EPHB6: variants seen among roughly 807,000 people sequenced by gnomAD.
EPHB6 encodes ephrin type-B receptor 6.
A neutral mutation model predicts 107.0 loss-of-function variants in EPHB6; 51 were observed. The ratio of observed to expected loss-of-function variants is 0.48; its 90% CI spans 0.38 to 0.60. The LOEUF (loss-of-function observed/expected upper bound fraction) is 0.60, where lower values mean the gene tolerates loss of function less well. Among genes scored for constraint, EPHB6 ranks in the 20% least tolerant of loss-of-function variants. The probability of loss-of-function intolerance (pLI) is 0.00; values close to 1 mark genes in which losing one functional copy is unlikely to be tolerated. For missense variants in EPHB6, 1,141 were observed against 1,355.5 expected (o/e 0.84, Z 2.48); for synonymous variants, 553 against 549.0 (o/e 1.01, Z -0.10).
rs781660662 is a variant in EPHB6, at chr7:142,865,957, C to G, written c.1106-3C>G. The G allele has an allele frequency of 3.0e-5, 49 of 1,613,770 alleles. No individual in the cohort carries two copies. Among genetic ancestry groups the G allele is most frequent in the Non-Finnish European group, 4.2e-5 (49 of 1,179,986 alleles). On this transcript the variant is annotated splice_region_variant and splice_polypyrimidine_tract_variant and intron_variant, in intron 8 of 19. Coordinates refer to ENST00000652003, the MANE Select transcript of EPHB6 (RefSeq NM_004445.6). The stretch of plus-strand genomic sequence containing the variant: ...TGGACTGCCATATCCTCCGGCCCCC[C>G]AGGTCCTCCATCGGCTCCCCAGGAG...
intron 2 of EPHB6, among the ~76,000 whole-genome samples, chr7:142,861,493 T>C (rs1265320210): frequency 6.6e-6 from 1 of 152,220 alleles, no homozygotes; most frequent in Non-Finnish European, 1.5e-5. Context: ...TCCACTTCCT[T>C]TGCCTTTTTC....
In EPHB6 at chr7:142,855,849, C is replaced by T. The variant is rs1437440924; in HGVS notation, c.-432+464C>T. ...CCCCACAAGGCACTGTCCCCCCCAGCTCCATGACCACAGTTAAGCCTTGGA... is the reference window on the plus strand; with the variant it reads ...CCCCACAAGGCACTGTCCCCCCCAGTTCCATGACCACAGTTAAGCCTTGGA... On this transcript the variant is annotated intron_variant, in intron 1 of 19. Coordinates refer to ENST00000652003, the MANE Select transcript of EPHB6 (RefSeq NM_004445.6). The surrounding 1 kb of genome is among the most constrained non-coding windows in gnomAD (Gnocchi z 4.2). 6.6e-6 allele frequency among the ~76,000 whole-genome samples: 1 copy of T among 152,184 alleles called. No individual in the cohort carries two copies. Among genetic ancestry groups the T allele is most frequent in the East Asian group, 1.9e-4 (1 of 5,186 alleles).
At position 142,870,000 on chromosome 7, in the gene EPHB6, C is replaced by A. The variant is rs1474516048; in HGVS notation, c.2610+34C>A. The A allele has an allele frequency of 5.0e-6, 8 of 1,614,078 alleles. No individual in the cohort carries two copies. The highest frequency in any genetic ancestry group is 6.8e-6 in the Non-Finnish European group (8 of 1,179,968). On this transcript the variant is annotated intron_variant, in intron 17 of 19. Coordinates refer to ENST00000652003, the MANE Select transcript of EPHB6 (RefSeq NM_004445.6). The surrounding 1 kb of genome is among the most constrained non-coding windows in gnomAD (Gnocchi z 4.5). ...TGACCTAGACACTGCTGATTTCCCA[C>A]CCCGATCCCTCCCAGGTTGGAACAT...
Position 142,866,044 on chromosome 7 carries a change from G to A in EPHB6, c.1190G>A (p.Gly397Glu). 1 of 1,612,634 alleles carries A rather than the reference G, an allele frequency of 6.2e-7. No homozygotes were observed. Among genetic ancestry groups the A allele is most frequent in the Non-Finnish European group, 8.5e-7 (1 of 1,179,338 alleles). Residue 397 changes from glycine to glutamate, a missense_variant, in exon 9 of 20, where the codon GGG becomes GAG. Physicochemically the swap from Gly to Glu is moderately conservative, Grantham distance 98. Transcript: ENST00000652003. The surrounding 1 kb of genome is among the most constrained non-coding windows in gnomAD (Gnocchi z 5.2). Reference protein sequence around the residue: ...MLHWRLPRELGGRGDLLFNVV... With the variant: ...MLHWRLPRELEGRGDLLFNVV... ...CACTGGCGCCTGCCTCGGGAGCTGG[G>A]GGGTCGAGGGGACCTGCTCTTCAAT...
chr7:142,864,607 AGAG>A lies in EPHB6; in HGVS notation c.813_815del (p.Glu271del). ...GCACCTGTGTGGCTCATGCAGAGCCAGAGGAGGATGGAGTAGGGGGCCAGGCAG... is the reference window on the plus strand; with the variant it reads ...GCACCTGTGTGGCTCATGCAGAGCCAGAGGATGGAGTAGGGGGCCAGGCAG... On this transcript the variant is annotated inframe_deletion, in exon 7 of 20. Coordinates refer to ENST00000652003, the MANE Select transcript of EPHB6 (RefSeq NM_004445.6). 6.2e-7 allele frequency: 1 copy of A among 1,612,710 alleles called. No homozygotes were observed. Among genetic ancestry groups the A allele is most frequent in the East Asian group, 2.2e-5 (1 of 44,844 alleles).
In EPHB6 at chr7:142,866,185, G is replaced by A; in HGVS notation, c.1331G>A (p.Ser444Asn). Reference sequence around the variant, plus strand: ...CCTCGCCAGAGAGGCCTGACTGAGAGCCGAGTGTTAGTGGGGGGACTCCGG... The same window carrying A: ...CCTCGCCAGAGAGGCCTGACTGAGAACCGAGTGTTAGTGGGGGGACTCCGG... ...FDPRQRGLTE[S>N]RVLVGGLRAH... is the part of the protein sequence containing the mutation. Residue 444 changes from serine (S) to asparagine (N), a missense_variant, in exon 9 of 20, where the codon AGC (serine) becomes AAC (asparagine). Coordinates refer to ENST00000652003, the MANE Select transcript of EPHB6 (RefSeq NM_004445.6). The surrounding 1 kb of genome is among the most constrained non-coding windows in gnomAD (Gnocchi z 5.2). The A allele has an allele frequency of 6.2e-7, 1 of 1,614,138 alleles. No homozygotes were observed. The highest frequency in any genetic ancestry group is 8.5e-7 in the Non-Finnish European group (1 of 1,180,028).
rs768832715 is a variant in EPHB6 at position 142,869,104 on chromosome 7, G to A, written c.2417G>A (p.Ser806Asn). ...TCTGCCCACAGCGTGCTGGTGAATAGCCACTTGGTGTGCAAGGTGGCCCGT... is the reference window on the plus strand; with the variant it reads ...TCTGCCCACAGCGTGCTGGTGAATAACCACTTGGTGTGCAAGGTGGCCCGT... The part of the protein sequence containing the change: ...SLSAHSVLVN[S>N]HLVCKVARLG... Residue 806 changes from serine to asparagine, a missense_variant, in exon 16 of 20, where the codon AGC becomes AAC. This residue lies in a region of EPHB6 where 616 missense variants were observed against 759.3 expected (regional missense o/e 0.81). Coordinates refer to ENST00000652003, the MANE Select transcript of EPHB6 (RefSeq NM_004445.6). The surrounding 1 kb of genome is among the most constrained non-coding windows in gnomAD (Gnocchi z 4.5). The A allele has an allele frequency of 1.2e-6, 2 of 1,613,740 alleles. No homozygotes were observed. Among genetic ancestry groups the A allele is most frequent in the Admixed American group, 1.7e-5 (1 of 60,030 alleles).
At position 142,870,550 on chromosome 7, in the gene EPHB6, C is replaced by A. The variant is rs1487044127; in HGVS notation, c.2825C>A (p.Thr942Asn). ...PGERPSQALL[T>N]PVALDFPCLD... ...CTTAGGCCTTCCCAGGCCCTTCTGA[C>A]CCCTGTGGCCCTGGACTTTCCTTGT... The change falls in exon 19 of 20, where the codon ACC becomes AAC. Residue 942 changes from threonine (T) to asparagine (N), a missense_variant. Thr to Asn is a moderately conservative substitution (Grantham distance 65). Coordinates refer to ENST00000652003, the MANE Select transcript of EPHB6 (RefSeq NM_004445.6). The A allele has an allele frequency of 1.2e-6, 2 of 1,614,128 alleles. No homozygotes were observed. Among genetic ancestry groups the A allele is most frequent in the Admixed American group, 3.3e-5 (2 of 60,016 alleles).
chr7:142,868,119 G>A lies in EPHB6; in HGVS notation c.1918+70G>A. On this transcript the variant is annotated intron_variant, in intron 13 of 19. Transcript: ENST00000652003. This position sits in a 1 kb window ranked among gnomAD's most constrained non-coding sequence, Gnocchi z 4.2. Reference sequence around the variant, plus strand: ...GTGGGGCACATGGCAGGCAAGGCTGGATCCCCCCAAGATTGGGGGAGCTCC... The same window carrying A: ...GTGGGGCACATGGCAGGCAAGGCTGAATCCCCCCAAGATTGGGGGAGCTCC... 2.5e-6 allele frequency: 4 copies of A among 1,613,784 alleles called. No individual in the cohort carries two copies. In the South Asian group the frequency reaches 3.3e-5, roughly 13 times the overall value.
chr7:142,868,992 A>G lies in EPHB6; in HGVS notation c.2305A>G (p.Ser769Gly). 6.2e-7 allele frequency: 1 copy of G among 1,610,236 alleles called. No individual in the cohort carries two copies. The change falls in exon 16 of 20, where the codon AGC becomes GGC. Residue 769 changes from serine (S) to glycine (G), a missense_variant. Physicochemically the swap from Ser to Gly is moderately conservative, Grantham distance 56 (BLOSUM62 0). Around this residue, in one of 3 missense-constraint regions of EPHB6, gnomAD observed 616 missense variants for 759.3 expected, o/e 0.81. Transcript: ENST00000652003. The surrounding 1 kb of genome is among the most constrained non-coding windows in gnomAD (Gnocchi z 4.2). ...CCCTCAGCAGCGGGAGGGCCAGTTCAGCAGCCTGCAGCTGGTGGCCATGCA... is the reference window on the plus strand; with the variant it reads ...CCCTCAGCAGCGGGAGGGCCAGTTCGGCAGCCTGCAGCTGGTGGCCATGCA... ...SFLRQREGQF[S>G]SLQLVAMQRG...
At chr7:142,865,714 T>C (rs1390168026) in intron 8 of EPHB6, 84 bp downstream of exon 8, 7 of 1,548,298 alleles carry the variant, frequency 4.5e-6, no homozygotes, top group Non-Finnish European at 6.1e-6. Context: ...CTGGGGGCTC[T>C]TTGCATTTGG....
chr7:142,861,324 C>T (rs905061754), intron 2 of EPHB6, 138 bp downstream of exon 2: 3 of 147,650 alleles, frequency 2.0e-5, no homozygotes, highest in Admixed American at 6.6e-5. Context: ...TTTTGATTAA[C>T]TTTACTAAAC....
rs773799287 is a variant in EPHB6 at position 142,864,094 on chromosome 7, C to T, written c.294C>T (p.Arg98=). 7 of 1,614,008 alleles carry T rather than the reference C, an allele frequency of 4.3e-6. No individual in the cohort carries two copies. The highest frequency in any genetic ancestry group is 2.5e-6 in the Non-Finnish European group (3 of 1,180,030). Residue 98 remains arginine, a synonymous_variant, in exon 7 of 20, where the codon CGC becomes CGT. Coordinates refer to ENST00000652003, the MANE Select transcript of EPHB6 (RefSeq NM_004445.6). ...TGCAGACACACTTTGTGGAGCGGCG[C>T]GGGGCCCAGAGGGCGCACATTCGAC... is the stretch of plus-strand genomic sequence containing the variant. ...NWLQTHFVER[R]GAQRAHIRLH... is the part of the protein sequence containing the mutation.
rs1235812720 is a variant in EPHB6 at position 142,863,705 on chromosome 7, A to G, written c.165+10A>G. ...CTACCCACCAGGGGGGGTGAGTGCC[A>G]CTCTAATTCTGAACCTGAATCCCTT... On this transcript the variant is annotated intron_variant, in intron 6 of 19. Coordinates refer to ENST00000652003, the MANE Select transcript of EPHB6 (RefSeq NM_004445.6). The G allele has an allele frequency of 6.2e-7, 1 of 1,612,924 alleles. No homozygotes were observed. Among genetic ancestry groups the G allele is most frequent in the South Asian group, 1.1e-5 (1 of 90,990 alleles).
chr7:142,862,263 T>C (rs901092089), intron 3 of EPHB6, 130 bp downstream of exon 3: 1 of 152,196 alleles, frequency 6.6e-6, no homozygotes, highest in Admixed American at 6.5e-5. Flanking sequence ...GGAGTTAGGA[T>C]TTCAACATAT....
At position 142,864,153 on chromosome 7, in the gene EPHB6, G is replaced by A. The variant is rs1802997678; in HGVS notation, c.353G>A (p.Gly118Asp). The A allele has an allele frequency of 2.5e-6, 4 of 1,613,900 alleles. No homozygotes were observed. The highest frequency in any genetic ancestry group is 1.3e-5 in the African/African-American group (1 of 74,956). Reference sequence around the variant, plus strand: ...TCTGTGCGGGCATGCTCCAGCCTGGGTGTGAGCGGCGGCACCTGCCGGGAG... The same window carrying A: ...TCTGTGCGGGCATGCTCCAGCCTGGATGTGAGCGGCGGCACCTGCCGGGAG... ...HFSVRACSSLGVSGGTCRETF... is the reference protein window; with the variant it reads ...HFSVRACSSLDVSGGTCRETF... The change falls in exon 7 of 20, where the codon GGT becomes GAT. Residue 118 changes from glycine to aspartate, a missense_variant. Around this residue, in one of 3 missense-constraint regions of EPHB6, gnomAD observed 221 missense variants for 300.5 expected, o/e 0.74. Transcript: ENST00000652003.
chr7:142,863,518 G>T, intron 5 of EPHB6, 113 bp from the exon 6 acceptor site: 2 of 1,357,438 alleles, frequency 1.5e-6, no homozygotes, highest in Non-Finnish European at 2.1e-6. Context: ...GCTCCTGCTG[G>T]CAAAGACATG....
rs1295382569 is a variant in EPHB6, at chr7:142,867,020, G to A, written c.1702G>A (p.Gly568Ser). Residue 568 changes from glycine to serine, a missense_variant, in exon 11 of 20, where the codon GGC becomes AGC. Around this residue, in one of 3 missense-constraint regions of EPHB6, gnomAD observed 616 missense variants for 759.3 expected, o/e 0.81. Transcript: ENST00000652003. This position sits in a 1 kb window ranked among gnomAD's most constrained non-coding sequence, Gnocchi z 5.3. ...CCAGGTGCGGGCCCGGACTGCTGCC[G>A]GCCACGGCCCCTACGGGGGCAAAGT... ...GFQVRARTAA[G>S]HGPYGGKVYF... 1 of 1,614,044 alleles carries A rather than the reference G, an allele frequency of 6.2e-7. No individual in the cohort carries two copies. Among genetic ancestry groups the A allele is most frequent in the Non-Finnish European group, 8.5e-7 (1 of 1,180,002 alleles).
At position 142,870,984 on chromosome 7, in the gene EPHB6, T is replaced by A; in HGVS notation, c.*80T>A. On this transcript the variant is annotated 3_prime_UTR_variant, in exon 20 of 20. Transcript: ENST00000652003. ...GGACGTGAGCCGGGCTCCAACAGCCTCTGTGAGAGATGCCCCACACCAAAC... is the reference window on the plus strand; with the variant it reads ...GGACGTGAGCCGGGCTCCAACAGCCACTGTGAGAGATGCCCCACACCAAAC... The A allele has an allele frequency of 7.3e-7, 1 of 1,376,884 alleles. No individual in the cohort carries two copies. The highest frequency in any genetic ancestry group is 1.0e-6 in the Non-Finnish European group (1 of 998,726). 85.3% of individuals were successfully genotyped at this position (1,376,884 alleles called of 1,614,324 possible). A position where few individuals can be genotyped will look rare whatever the true frequency, so the allele number is the denominator to read the frequency against.
Sources: allele counts gnomAD v4.1 joint callset (sites outside exome capture counted in the v4.1 genomes callset), GRCh38; gene constraint gnomAD v4.1.1; regional missense constraint gnomAD v4.1.1; non-coding constraint Gnocchi (gnomAD v3.1); transcripts MANE v1.5; gene names NCBI Gene and HGNC (gene_info 2026-07-23, HGNC 2026-07-21).